DOCK6: variants seen among roughly 807,000 people sequenced by gnomAD.
DOCK6 encodes dedicator of cytokinesis protein 6.
Under a neutral mutation model 230.3 loss-of-function variants are expected in DOCK6, and 167 were observed. The ratio of observed to expected loss-of-function variants is 0.73; its 90% CI spans 0.64 to 0.82. The LOEUF (loss-of-function observed/expected upper bound fraction) is 0.82. Ranked by LOEUF, DOCK6 falls within the 40% of genes least tolerant of loss-of-function variation. The pLI, the probability that DOCK6 is intolerant of heterozygous loss-of-function variation, is 0.00. For synonymous variants in DOCK6, 1,148 were observed against 1,185.0 expected, an observed-to-expected ratio of 0.97 and a Z score of 0.64; for missense variants, 2,598 against 2,825.8, an observed-to-expected ratio of 0.92 and a Z score of 1.83.
At chr19:11,231,029 C>T (rs1432027014) in intron 22 of DOCK6, among the ~76,000 whole-genome samples, 3 of 152,182 alleles carry the variant, frequency 2.0e-5, no homozygotes, top group African/African-American at 7.2e-5. Flanking sequence ...TGAAAAGGCC[C>T]AGCCTCAGTG....
At position 11,237,772 on chromosome 19, in the gene DOCK6, C is replaced by T. The variant is rs527879848; in HGVS notation, c.1840G>A (p.Glu614Lys). ...TPVVYHNKSP[E>K]FYEEFKLHLP... ...TGCAGCTTGAACTCCTCGTAGAACT[C>T]GGGGGACCTGGCAGAATCGGGCTGG... is the stretch of plus-strand genomic sequence containing the variant. Residue 614 changes from glutamate (E) to lysine (K), a missense_variant, in exon 17 of 48, where the codon GAG becomes AAG. Coordinates refer to ENST00000294618, the MANE Select transcript of DOCK6 (RefSeq NM_020812.4). The T allele has an allele frequency of 7.0e-6, 11 of 1,567,204 alleles. No homozygotes were observed. Among genetic ancestry groups the T allele is most frequent in the East Asian group, 4.7e-5 (2 of 42,188 alleles).
rs771732285 is a variant in DOCK6 at position 11,215,394 on chromosome 19, C to T, written c.4099G>A (p.Val1367Met). 23 of 1,613,516 alleles carry T rather than the reference C, an allele frequency of 1.4e-5. No homozygotes were observed. The highest frequency in any genetic ancestry group is 1.7e-5 in the Non-Finnish European group (20 of 1,179,756). ...VTHWKQTSDR[V>M]DKTKDEMEHE... Reference sequence around the variant, plus strand: ...CCTCCTGCCCACACCTACTTGTCCACGCGGTCTGAGGTTTGCTTCCAGTGT... The same window carrying T: ...CCTCCTGCCCACACCTACTTGTCCATGCGGTCTGAGGTTTGCTTCCAGTGT... Residue 1367 changes from valine (V) to methionine (M), a missense_variant, in exon 32 of 48, where the codon GTG becomes ATG. By Grantham distance (21) the Val-to-Met change is conservative. Transcript: ENST00000294618.
At position 11,236,683 on chromosome 19, in the gene DOCK6, C is replaced by T. The variant is rs201881040; in HGVS notation, c.2161-106G>A. The T allele has an allele frequency of 6.6e-6, 10 of 1,507,456 alleles. No individual in the cohort carries two copies. The highest frequency in any genetic ancestry group is 1.4e-5 in the African/African-American group (1 of 71,950). The allele number at this position is 1,507,456 out of a possible 1,614,324, so 93.4% of individuals were successfully genotyped here. A position where few individuals can be genotyped will look rare whatever the true frequency, so the allele number is the denominator to read the frequency against. On this transcript the variant is annotated intron_variant, in intron 19 of 47. Transcript: ENST00000294618. The surrounding 1 kb of genome is among the most constrained non-coding windows in gnomAD (Gnocchi z 5.2). ...AGCTGGGTCCAGCTGACCAAAGTCA[C>T]GTCCAAGGCCTGAGGCCAGACCTCC... is the stretch of plus-strand genomic sequence containing the variant.
At chr19:11,215,506 A>G in intron 31 of DOCK6, 35 bp from the exon 32 acceptor site, 1 of 1,580,508 alleles carries the variant, frequency 6.3e-7, no homozygotes, top group Non-Finnish European at 8.7e-7. Context: ...CAGATGCGTA[A>G]AAACACAGGG....
At chr19:11,259,431 T>TGA (rs1555698506) in intron 1 of DOCK6, among the ~76,000 whole-genome samples, 2 of 146,326 alleles carry the variant, frequency 1.4e-5, no homozygotes, top group Non-Finnish European at 3.0e-5. Context: ...TATTCAAGGA[T>TGA]GGGGGAGAGA....
chr19:11,214,454 G>C (rs756638724), intron 33 of DOCK6, 45 bp from the exon 34 acceptor site: 351 of 1,613,568 alleles, frequency 2.2e-4, no homozygotes, highest in Non-Finnish European at 2.8e-4. Context: ...AGCCTAGGGT[G>C]GTTATGGGGA....
intron 39 of DOCK6, among the ~76,000 whole-genome samples, chr19:11,204,951 T>G (rs564857971): frequency 1.3e-5 from 2 of 152,278 alleles, no homozygotes; most frequent in East Asian, 3.9e-4. Flanking sequence ...TTTTTCCTAT[T>G]CCTCAAAGAG....
chr19:11,261,207 T>C (rs527272279), intron 1 of DOCK6, among the ~76,000 whole-genome samples: 6 of 151,900 alleles, frequency 3.9e-5, no homozygotes, highest in Non-Finnish European at 8.8e-5. Flanking sequence ...CTCAGGGCCT[T>C]TGCACAAACC....
In DOCK6 at chr19:11,243,678, C is replaced by T. The variant is rs2079986924; in HGVS notation, c.1137G>A (p.Ala379=). 5.0e-6 allele frequency: 8 copies of T among 1,613,352 alleles called. No individual in the cohort carries two copies. Among genetic ancestry groups the T allele is most frequent in the Non-Finnish European group, 5.1e-6 (6 of 1,179,842 alleles). ...CCAGGCGGGTGCAGAACTGCTCGGC[C>T]GCCAGGCGCAGCTTCTCTAGCTTCT... ...NKEKLEKLRL[A]AEQFCTRLGR... The change falls in exon 11 of 48, where the codon GCG becomes GCA. Residue 379 remains alanine (A), a synonymous_variant. Transcript: ENST00000294618. This position sits in a 1 kb window ranked among gnomAD's most constrained non-coding sequence, Gnocchi z 6.3.
At chr19:11,256,730 C>G (rs573763925) in intron 1 of DOCK6, among the ~76,000 whole-genome samples, 1 of 152,086 alleles carries the variant, frequency 6.6e-6, no homozygotes, top group African/African-American at 2.4e-5. Flanking sequence ...CAGGCTAGAG[C>G]GCAGTGGCAT....
At chr19:11,252,297 G>C in intron 4 of DOCK6, 49 bp from the exon 5 acceptor site, 2 of 1,567,062 alleles carry the variant, frequency 1.3e-6, no homozygotes, top group Non-Finnish European at 1.7e-6. Flanking sequence ...GGGCCCCCAG[G>C]GGGTCCCCAG....
rs566877481 is a variant in DOCK6 at position 11,233,525 on chromosome 19, TG to T, written c.2555-160del. Among the ~76,000 whole-genome samples, 7 of 152,126 alleles carry T rather than the reference TG, an allele frequency of 4.6e-5. No homozygotes were observed. The South Asian group carries it at 1.2e-3, about 27-fold the overall frequency. On this transcript the variant is annotated intron_variant, in intron 21 of 47. Coordinates refer to ENST00000294618, the MANE Select transcript of DOCK6 (RefSeq NM_020812.4). ...ATAATGGCTGCCGCCTCACAGAGAT[TG>T]GGGGGGCACTGAAAAACTGAGAATA... is the stretch of plus-strand genomic sequence containing the variant.
chr19:11,202,636 A>G lies in DOCK6; in HGVS notation c.5309T>C (p.Val1770Ala), dbSNP rs1024636088. ...CTTCGTGATCGATGGCTCCTTGTAC[A>G]CAAACTCCTGCTCATCCAGGTCACC... is the stretch of plus-strand genomic sequence containing the variant. ...HFGDLDEQEFVYKEPSITKLA... is the reference protein window; with the variant it reads ...HFGDLDEQEFAYKEPSITKLA... The change falls in exon 42 of 48, where the codon GTG becomes GCG. Residue 1770 changes from valine to alanine, a missense_variant. Coordinates refer to ENST00000294618, the MANE Select transcript of DOCK6 (RefSeq NM_020812.4). This position sits in a 1 kb window ranked among gnomAD's most constrained non-coding sequence, Gnocchi z 5.3. The G allele has an allele frequency of 1.2e-6, 2 of 1,614,006 alleles. No homozygotes were observed. Among genetic ancestry groups the G allele is most frequent in the East Asian group, 2.2e-5 (1 of 44,874 alleles).
intron 1 of DOCK6, among the ~76,000 whole-genome samples, chr19:11,259,808 C>T (rs1050249203): frequency 6.6e-6 from 1 of 151,258 alleles, no homozygotes; most frequent in Non-Finnish European, 1.5e-5. Flanking sequence ...GTCTCGAACT[C>T]CTGACCTCAG....
At chr19:11,211,489 T>C (rs2079382815) in intron 37 of DOCK6, among the ~76,000 whole-genome samples, 1 of 150,994 alleles carries the variant, frequency 6.6e-6, no homozygotes, top group Non-Finnish European at 1.5e-5. Context: ...TCTCCTTACT[T>C]GTGCCCTCAT....
intron 8 of DOCK6, 23 bp from the exon 9 acceptor site, chr19:11,245,735 G>C: frequency 6.2e-7 from 1 of 1,604,648 alleles, no homozygotes. Context: ...GAGGCAGCTG[G>C]GCCACCACCT....
rs2079196946 is a variant in DOCK6, at chr19:11,202,996, ACTCTAGGATGGAGGCTCTGC to A, written c.5236-307_5236-288del. On this transcript the variant is annotated intron_variant, in intron 41 of 47. Transcript: ENST00000294618. The surrounding 1 kb of genome is among the most constrained non-coding windows in gnomAD (Gnocchi z 5.3). ...CTGAGGAGAGGGATGGCTGTCTCTCACTCTAGGATGGAGGCTCTGCCTCCTTTGTTCTAGGGCATTCTCCT... is the reference window on the plus strand; with the variant it reads ...CTGAGGAGAGGGATGGCTGTCTCTCACTCCTTTGTTCTAGGGCATTCTCCT... Among the ~76,000 whole-genome samples, 1 of 151,974 alleles carries A rather than the reference ACTCTAGGATGGAGGCTCTGC, an allele frequency of 6.6e-6. No homozygotes were observed. Among genetic ancestry groups the A allele is most frequent in the African/African-American group, 2.4e-5 (1 of 41,364 alleles).
chr19:11,255,569 CT>C (rs1331558114), intron 1 of DOCK6, among the ~76,000 whole-genome samples: 3 of 151,862 alleles, frequency 2.0e-5, no homozygotes, highest in African/African-American at 7.2e-5. Flanking sequence ...CCGCCTTGTA[CT>C]TTTTTTTGAC....
rs769026466 is a variant in DOCK6 at position 11,202,451 on chromosome 19, G to A, written c.5394C>T (p.Val1798=). Reference sequence around the variant, plus strand: ...GGTTAGAGTCTTTGATAATCTCAACGACGTCGTCGCCAAATCTCTCCGTGT... The same window carrying A: ...GGTTAGAGTCTTTGATAATCTCAACAACGTCGTCGCCAAATCTCTCCGTGT... ...EFYTERFGDD[V]VEIIKDSNPV... is the part of the protein sequence containing the mutation. Residue 1798 remains valine, a synonymous_variant, in exon 43 of 48, where the codon GTC becomes GTT. Transcript: ENST00000294618. The surrounding 1 kb of genome is among the most constrained non-coding windows in gnomAD (Gnocchi z 5.3). 7.4e-6 allele frequency: 12 copies of A among 1,613,568 alleles called. No individual in the cohort carries two copies. Among genetic ancestry groups the A allele is most frequent in the African/African-American group, 4.0e-5 (3 of 75,048 alleles).
Sources: gnomAD v4.1 joint callset for allele counts (sites outside exome capture counted in the v4.1 genomes callset) on GRCh38, gnomAD v4.1.1 for gene constraint, Gnocchi (gnomAD v3.1) non-coding constraint, MANE v1.5 for transcripts, NCBI Gene and HGNC (gene_info 2026-07-23, HGNC 2026-07-21) for gene names.